The following DRC11 variants were observed in gnomAD, a reference collection of about 807,000 sequenced individuals.
DRC11 encodes the protein dynein regulatory complex subunit 11.
At chr2:236,459,147 C>G in the DRC11 span, among the ~76,000 whole-genome samples, 22 of 152,110 alleles carry the variant, frequency 1.4e-4, no homozygotes, top group South Asian at 2.9e-3. Flanking sequence ...TTAGAGATCA[C>G]TTAAAGAAAA....
chr2:236,309,728 CAA>C, the DRC11 span, among the ~76,000 whole-genome samples: 2 of 152,202 alleles, frequency 1.3e-5, no homozygotes, highest in African/African-American at 4.8e-5. The surrounding 1 kb of genome is among the most constrained non-coding windows in gnomAD (Gnocchi z 5.7). Flanking sequence ...GCAGTGCTTG[CAA>C]GTCTCCACTT....
chr2:236,356,542 C>A, the DRC11 span, among the ~76,000 whole-genome samples: 1 of 152,212 alleles, frequency 6.6e-6, no homozygotes, highest in Admixed American at 6.5e-5. Flanking sequence ...ATCCAGAGGT[C>A]AGACCTCTGG....
the DRC11 span, among the ~76,000 whole-genome samples, chr2:236,470,239 T>C: frequency 6.6e-6 from 1 of 152,190 alleles, no homozygotes; most frequent in Admixed American, 6.5e-5. The surrounding 1 kb of genome is among the most constrained non-coding windows in gnomAD (Gnocchi z 5.1). Flanking sequence ...GCAAATATAC[T>C]TGCAAATAAG....
the DRC11 span, among the ~76,000 whole-genome samples, chr2:236,401,565 T>C: frequency 1.3e-5 from 2 of 152,174 alleles, no homozygotes; most frequent in Non-Finnish European, 2.9e-5. This position sits in a 1 kb window ranked among gnomAD's most constrained non-coding sequence, Gnocchi z 4.6. Context: ...GGTATTTCCA[T>C]ACAATGAAAT....
the DRC11 span, among the ~76,000 whole-genome samples, chr2:236,496,285 G>A: frequency 2.0e-5 from 3 of 152,170 alleles, no homozygotes; most frequent in African/African-American, 4.8e-5. This position sits in a 1 kb window ranked among gnomAD's most constrained non-coding sequence, Gnocchi z 6.3. Flanking sequence ...ATAATAATGT[G>A]AGGAAAGCCT....
chr2:236,500,085 T>C, the DRC11 span, among the ~76,000 whole-genome samples: 1 of 116,930 alleles, frequency 8.6e-6, no homozygotes, highest in Non-Finnish European at 1.5e-5. The surrounding 1 kb of genome is among the most constrained non-coding windows in gnomAD (Gnocchi z 6.3). Flanking sequence ...TGGGTTCAGA[T>C]GATGATGATG....
chr2:236,468,908 G>A, the DRC11 span, among the ~76,000 whole-genome samples: 1 of 152,172 alleles, frequency 6.6e-6, no homozygotes, highest in Non-Finnish European at 1.5e-5. Flanking sequence ...CGTTGTTCCT[G>A]TTGCTATTTG....
At chr2:236,423,702 T>C in the DRC11 span, among the ~76,000 whole-genome samples, 1 of 152,202 alleles carries the variant, frequency 6.6e-6, no homozygotes, top group Admixed American at 6.6e-5. Context: ...CATTACTGGG[T>C]ATATACCCAA....
chr2:236,403,218 G>C, the DRC11 span, among the ~76,000 whole-genome samples: 1 of 152,064 alleles, frequency 6.6e-6, no homozygotes, highest in Non-Finnish European at 1.5e-5. Context: ...AAGTCCAGAT[G>C]GGGAGGCTGT....
chr2:236,439,404 TA>T, the DRC11 span, among the ~76,000 whole-genome samples: 1 of 152,200 alleles, frequency 6.6e-6, no homozygotes, highest in African/African-American at 2.4e-5. Context: ...ATTATGTCAA[TA>T]AAAACTTGTT....
the DRC11 span, among the ~76,000 whole-genome samples, chr2:236,502,548 CAAAAAA>C: frequency 1.3e-3 from 19 of 15,080 alleles, no homozygotes; most frequent in African/African-American, 2.5e-3. Flanking sequence ...TGCACTCCAG[CAAAAAA>C]AAAAAAAAAA....
the DRC11 span, among the ~76,000 whole-genome samples, chr2:236,390,395 T>C: frequency 6.6e-6 from 1 of 152,230 alleles, no homozygotes; most frequent in African/African-American, 2.4e-5. This position sits in a 1 kb window ranked among gnomAD's most constrained non-coding sequence, Gnocchi z 5.9. Context: ...AGCATATAGT[T>C]GGATTTTTAA....
the DRC11 span, among the ~76,000 whole-genome samples, chr2:236,417,792 T>C: frequency 1.3e-5 from 2 of 152,112 alleles, no homozygotes; most frequent in East Asian, 1.9e-4. Context: ...TGTGTTCTCA[T>C]TGTTCAACTC....
At chr2:236,383,249 T>A in the DRC11 span, among the ~76,000 whole-genome samples, 5 of 152,232 alleles carry the variant, frequency 3.3e-5, no homozygotes, top group African/African-American at 4.8e-5. Context: ...TAATTGTTCA[T>A]AACAGTCTCT....
At chr2:236,491,044 C>T in the DRC11 span, among the ~76,000 whole-genome samples, 3 of 126,264 alleles carry the variant, frequency 2.4e-5, no homozygotes, top group Admixed American at 8.2e-5. Flanking sequence ...TATATATATA[C>T]AGTATATATA....
chr2:236,375,222 C>T, the DRC11 span, among the ~76,000 whole-genome samples: 17 of 152,132 alleles, frequency 1.1e-4, no homozygotes. The surrounding 1 kb of genome is among the most constrained non-coding windows in gnomAD (Gnocchi z 4.2). Context: ...TGACTCCACC[C>T]ACTTTGATCT....
chr2:236,490,905 T>A, the DRC11 span, among the ~76,000 whole-genome samples: 79 of 128,952 alleles, frequency 6.1e-4, no homozygotes, highest in African/African-American at 2.9e-3. The surrounding 1 kb of genome is among the most constrained non-coding windows in gnomAD (Gnocchi z 5.5). Context: ...GAATATATTG[T>A]GTGTGTGTGT....
At chr2:236,431,880 C>T in the DRC11 span, among the ~76,000 whole-genome samples, 1 of 152,128 alleles carries the variant, frequency 6.6e-6, no homozygotes, top group Non-Finnish European at 1.5e-5. The surrounding 1 kb of genome is among the most constrained non-coding windows in gnomAD (Gnocchi z 4.2). Flanking sequence ...ATGAGTAATG[C>T]TGCTATGAAC....
chr2:236,351,082 C>A, the DRC11 span, among the ~76,000 whole-genome samples: 1 of 152,150 alleles, frequency 6.6e-6, no homozygotes, highest in East Asian at 1.9e-4. The surrounding 1 kb of genome is among the most constrained non-coding windows in gnomAD (Gnocchi z 7.3). Flanking sequence ...CTATGTTTGG[C>A]CCTGAACGTA....
Sources: allele counts gnomAD v4.1 joint callset (sites outside exome capture counted in the v4.1 genomes callset), GRCh38; gene constraint gnomAD v4.1.1; non-coding constraint Gnocchi (gnomAD v3.1); transcripts MANE v1.5; gene names NCBI Gene and HGNC (gene_info 2026-07-23, HGNC 2026-07-21).